Variants in CNOT1 observed in about 807,000 individuals in gnomAD.
CNOT1 encodes the protein CCR4-NOT transcription complex subunit 1.
Under a neutral mutation model 273.8 loss-of-function variants are expected in CNOT1, and 15 were observed. That is an observed-to-expected ratio of 0.05 (90% CI 0.04 to 0.08). The LOEUF (loss-of-function observed/expected upper bound fraction) is 0.08. Ranked by LOEUF, CNOT1 falls within the 10% of genes least tolerant of loss-of-function variation. The pLI is 1.00. For synonymous variants in CNOT1, 1,022 were observed against 1,005.5 expected (o/e 1.02, Z -0.31); for missense variants, 1,644 against 2,912.2 (o/e 0.56, Z 10.02).
intron 1 of CNOT1, among the ~76,000 whole-genome samples, chr16:58,628,995 G>C (rs2043703696): frequency 6.6e-6 from 1 of 152,250 alleles, no homozygotes; most frequent in African/African-American, 2.4e-5. Context: ...CGGGACACTT[G>C]TCCTGGGTGA....
chr16:58,627,127 G>A (rs1218271871), intron 1 of CNOT1, among the ~76,000 whole-genome samples: 1 of 151,990 alleles, frequency 6.6e-6, no homozygotes, highest in Non-Finnish European at 1.5e-5. Context: ...AAAGCTTCTC[G>A]GCTGGGCACC....
chr16:58,564,917 CAA>C (rs1483150614), intron 16 of CNOT1, among the ~76,000 whole-genome samples: 3 of 151,884 alleles, frequency 2.0e-5, no homozygotes, highest in East Asian at 1.9e-4. Context: ...GCCTGGGTAA[CAA>C]GAGAAAAACT....
chr16:58,577,845 C>CAA (rs34127478), intron 13 of CNOT1, among the ~76,000 whole-genome samples: 7,029 of 106,242 alleles, frequency 0.066, 238 homozygotes, highest in Middle Eastern at 0.11. Flanking sequence ...TCCTCTCTCT[C>CAA]AAAAAAAAAA....
Position 58,583,104 on chromosome 16 carries a change from T to C in CNOT1, c.885A>G (p.Gly295=). 1 of 1,614,050 alleles carries C rather than the reference T, an allele frequency of 6.2e-7. No homozygotes were observed. The highest frequency in any genetic ancestry group is 8.5e-7 in the Non-Finnish European group (1 of 1,180,018). Residue 295 remains glycine, a synonymous_variant, in exon 9 of 49, where the codon GGA becomes GGG. Transcript: ENST00000317147. ...VTAAQVARVL[G]MMARTHSGLT... is the part of the protein sequence containing the mutation. Reference sequence around the variant, plus strand: ...ATCCTGAATGAGTTCGAGCCATCATTCCCAAAACCCTTGCAACCTGGGCAG... The same window carrying C: ...ATCCTGAATGAGTTCGAGCCATCATCCCCAAAACCCTTGCAACCTGGGCAG...
At chr16:58,615,028 A>AG (rs2152039238) in intron 1 of CNOT1, among the ~76,000 whole-genome samples, 1 of 122,490 alleles carries the variant, frequency 8.2e-6, no homozygotes, top group African/African-American at 2.7e-5. Flanking sequence ...GCTATTTAAA[A>AG]AAAAAAAAAA....
intron 1 of CNOT1, among the ~76,000 whole-genome samples, chr16:58,626,599 A>C (rs1175810723): frequency 6.6e-6 from 1 of 151,686 alleles, no homozygotes; most frequent in Non-Finnish European, 1.5e-5. Flanking sequence ...GTCTCTACCA[A>C]AAATACAAAA....
chr16:58,550,008 A>G, intron 24 of CNOT1, 110 bp from the exon 25 acceptor site: 1 of 1,480,374 alleles, frequency 6.8e-7, no homozygotes, highest in Admixed American at 2.6e-5. Context: ...AACTAACTAG[A>G]TGCTAAAGAA....
intron 1 of CNOT1, among the ~76,000 whole-genome samples, chr16:58,610,103 G>A: frequency 6.6e-6 from 1 of 152,170 alleles, no homozygotes. Context: ...GAATTGGAAA[G>A]GGGAGAGAGG....
chr16:58,593,568 GA>G (rs34487574), intron 2 of CNOT1, among the ~76,000 whole-genome samples: 91 of 139,800 alleles, frequency 6.5e-4, no homozygotes, highest in African/African-American at 1.1e-3. Flanking sequence ...CGTCTCAAGG[GA>G]AAAAAAAAAA....
rs192593936 is a variant in CNOT1 at position 58,610,570 on chromosome 16, G to A, written c.-174-11059C>T. ...AATACAAAAAATTAAAAGGCGGGGCGCGGTGGCTCACACCTGTAATCCCAG... is the reference window on the plus strand; with the variant it reads ...AATACAAAAAATTAAAAGGCGGGGCACGGTGGCTCACACCTGTAATCCCAG... On this transcript the variant is annotated intron_variant, in intron 1 of 48. Coordinates refer to ENST00000317147, the MANE Select transcript of CNOT1 (RefSeq NM_016284.5). Among the ~76,000 whole-genome samples, 330 of 152,284 alleles carry A rather than the reference G, an allele frequency of 2.2e-3. 1 individual carries two copies. The highest frequency in any genetic ancestry group is 0.014 in the Middle Eastern group (4 of 294).
chr16:58,526,880 A>G (rs1305007640), intron 44 of CNOT1, among the ~76,000 whole-genome samples: 2 of 151,588 alleles, frequency 1.3e-5, no homozygotes, highest in African/African-American at 4.9e-5. Context: ...TCTAAACTAT[A>G]GCTGGGCACT....
Position 58,526,103 on chromosome 16 carries a change from C to A in CNOT1, c.6489G>T (p.Arg2163=). Residue 2163 remains arginine, a synonymous_variant, in exon 45 of 49, where the codon CGG becomes CGT. Transcript: ENST00000317147. ...TTACTCCAGTGAAATTGGTGAGAAT[C>A]CGGGGAGCAATGTTAATTTCACTCA... is the stretch of plus-strand genomic sequence containing the variant. ...DMLSEINIAP[R]ILTNFTGVMP... is the part of the protein sequence containing the mutation. 1 of 1,614,072 alleles carries A rather than the reference C, an allele frequency of 6.2e-7. No individual in the cohort carries two copies. Among genetic ancestry groups the A allele is most frequent in the Non-Finnish European group, 8.5e-7 (1 of 1,179,996 alleles).
intron 2 of CNOT1, among the ~76,000 whole-genome samples, chr16:58,590,501 A>G (rs891880907): frequency 1.3e-5 from 2 of 152,154 alleles, no homozygotes; most frequent in African/African-American, 4.8e-5. Flanking sequence ...AGGCTGATGT[A>G]TGAGAATCGC....
At position 58,558,804 on chromosome 16, in the gene CNOT1, T is replaced by C. The variant is rs1455359134; in HGVS notation, c.2131-130A>G. 4 of 1,248,328 alleles carry C rather than the reference T, an allele frequency of 3.2e-6. No individual in the cohort carries two copies. In the African/African-American group the frequency reaches 6.0e-5, roughly 19 times the overall value. The allele number at this position is 1,248,328 out of a possible 1,614,324, so 77.3% of individuals were successfully genotyped here. On this transcript the variant is annotated intron_variant, in intron 17 of 48. Transcript: ENST00000317147. Reference sequence around the variant, plus strand: ...TATTACACCCACTCAATCACGATGATACTTAAATCCCAGTTATCAAGTCAA... The same window carrying C: ...TATTACACCCACTCAATCACGATGACACTTAAATCCCAGTTATCAAGTCAA...
chr16:58,587,153 CG>C (rs2041901568), intron 6 of CNOT1, 47 bp downstream of exon 6: 1 of 1,590,998 alleles, frequency 6.3e-7, no homozygotes, highest in African/African-American at 1.4e-5. Flanking sequence ...TAAAAACCCA[CG>C]TATTTTAAAG....
At chr16:58,529,303 C>A (rs984643514) in intron 43 of CNOT1, among the ~76,000 whole-genome samples, 2 of 152,096 alleles carry the variant, frequency 1.3e-5, no homozygotes, top group Admixed American at 6.5e-5. Context: ...ATTTTGACTA[C>A]AATAAATTTT....
rs764816573 is a variant in CNOT1 at position 58,549,785 on chromosome 16, G to A, written c.3456C>T (p.Phe1152=). Residue 1152 remains phenylalanine, a synonymous_variant, in exon 25 of 49, where the codon TTC becomes TTT. Coordinates refer to ENST00000317147, the MANE Select transcript of CNOT1 (RefSeq NM_016284.5). ...EPNFHSLYSN[F]LDTLKNPEFN... ...ATTCAGGATTCTTCAGCGTGTCAAGGAAGTTTGAATACAGGCTATGAAAGT... is the reference window on the plus strand; with the variant it reads ...ATTCAGGATTCTTCAGCGTGTCAAGAAAGTTTGAATACAGGCTATGAAAGT... The A allele has an allele frequency of 3.7e-6, 6 of 1,613,868 alleles. No individual in the cohort carries two copies. Among genetic ancestry groups the A allele is most frequent in the Non-Finnish European group, 4.2e-6 (5 of 1,179,952 alleles).
chr16:58,547,441 C>A lies in CNOT1; in HGVS notation c.3639+125G>T, dbSNP rs2040293607. On this transcript the variant is annotated intron_variant, in intron 26 of 48. Coordinates refer to ENST00000317147, the MANE Select transcript of CNOT1 (RefSeq NM_016284.5). The surrounding 1 kb of genome is among the most constrained non-coding windows in gnomAD (Gnocchi z 4.0). ...TCCTTGCCTTACAAAAAGGGGTTAA[C>A]AACTCAAAACGTGGGCCAAAATCTT... 6.7e-7 allele frequency: 1 copy of A among 1,502,204 alleles called. No individual in the cohort carries two copies. The highest frequency in any genetic ancestry group is 2.1e-5 in the Admixed American group (1 of 46,788). 93.1% of individuals were successfully genotyped at this position (1,502,204 alleles called of 1,614,324 possible). A position where few individuals can be genotyped will look rare whatever the true frequency, so the allele number is the denominator to read the frequency against.
intron 1 of CNOT1, among the ~76,000 whole-genome samples, chr16:58,627,819 C>T (rs1018278247): frequency 6.6e-6 from 1 of 152,086 alleles, no homozygotes; most frequent in Admixed American, 6.6e-5. Flanking sequence ...ATAGACATGT[C>T]TTTGCGCCTT....
Sources: gnomAD v4.1 joint callset for allele counts (sites outside exome capture counted in the v4.1 genomes callset) on GRCh38, gnomAD v4.1.1 for gene constraint, Gnocchi (gnomAD v3.1) non-coding constraint, MANE v1.5 for transcripts, NCBI Gene and HGNC (gene_info 2026-07-23, HGNC 2026-07-21) for gene names.